The following ERMP1 variants were observed in gnomAD, a reference collection of about 807,000 sequenced individuals.
ERMP1 encodes endoplasmic reticulum metallopeptidase 1, also known as Felix-ina.
Under a neutral mutation model 92.0 loss-of-function variants are expected in ERMP1, and 86 were observed. That is an observed-to-expected ratio of 0.93 (90% CI 0.79 to 1.12). ERMP1 has a LOEUF of 1.12. Among genes scored for constraint, ERMP1 ranks in the 50% most tolerant of loss-of-function variants. The pLI, the probability that ERMP1 is intolerant of heterozygous loss-of-function variation, is 0.00. For missense variants in ERMP1, 1,342 were observed against 1,116.3 expected (o/e 1.20, Z -2.88); for synonymous variants, 530 against 412.8 (o/e 1.28, Z -3.44).
chr9:5,799,143 T>C, intron 11 of ERMP1, 135 bp from the exon 12 acceptor site: 1 of 617,904 alleles, frequency 1.6e-6, no homozygotes, highest in Admixed American at 2.9e-5. Flanking sequence ...ACTGAGAGTT[T>C]CTAAGGTACT....
At chr9:5,863,399 T>C (rs563987949) in intron 5 of ERMP1, among the ~76,000 whole-genome samples, 50 of 152,258 alleles carry the variant, frequency 3.3e-4, no homozygotes, top group African/African-American at 9.9e-4. Flanking sequence ...GGAAAGACAG[T>C]TTCCCATTAC....
At chr9:5,865,123 C>T (rs578116879) in intron 5 of ERMP1, among the ~76,000 whole-genome samples, 2 of 133,126 alleles carry the variant, frequency 1.5e-5, no homozygotes, top group Admixed American at 8.1e-5. Context: ...ATCATCAGGA[C>T]ATAGGAAAAT....
At chr9:5,796,969 G>A (rs576278367) in intron 13 of ERMP1, among the ~76,000 whole-genome samples, 27 of 152,100 alleles carry the variant, frequency 1.8e-4, no homozygotes, top group Admixed American at 5.2e-4. Context: ...GAGGAAAATC[G>A]GGGGGCAGGA....
Position 5,853,371 on chromosome 9 carries a change from C to A in ERMP1, n.3199+6097G>T, listed in dbSNP as rs533145346. Among the ~76,000 whole-genome samples the A allele has an allele frequency of 2.0e-5, 3 of 152,252 alleles. No individual in the cohort carries two copies. In the South Asian group the frequency reaches 6.2e-4, roughly 32 times the overall value. On this transcript the variant is annotated intron_variant and non_coding_transcript_variant, in intron 6 of 6. Transcript: ENST00000690753. ...GGTGGCATACTTTGGGGTGGTATAA[C>A]CTGATCCCCTTCACCATGTCACTTA... is the stretch of plus-strand genomic sequence containing the variant.
intron 2 of ERMP1, among the ~76,000 whole-genome samples, chr9:5,828,700 T>C (rs1038527845): frequency 6.6e-6 from 1 of 152,242 alleles, no homozygotes; most frequent in African/African-American, 2.4e-5. Context: ...CATGTGTTAA[T>C]AAACTTCTAT....
intron 5 of ERMP1, among the ~76,000 whole-genome samples, chr9:5,863,593 A>G (rs959034388): frequency 5.4e-4 from 82 of 152,190 alleles, no homozygotes; most frequent in Admixed American, 3.3e-4. Context: ...GTCTGGGTGC[A>G]GTTACATATC....
intron 6 of ERMP1, among the ~76,000 whole-genome samples, chr9:5,859,316 A>T (rs938704642): frequency 1.3e-5 from 2 of 152,016 alleles, no homozygotes; most frequent in African/African-American, 4.8e-5. Context: ...TTGTTCTTTT[A>T]ACCTTTCAAA....
At chr9:5,851,658 C>T (rs900374800) in intron 6 of ERMP1, among the ~76,000 whole-genome samples, 2 of 152,170 alleles carry the variant, frequency 1.3e-5, no homozygotes, top group Non-Finnish European at 2.9e-5. Flanking sequence ...TGTTCTTACT[C>T]AGAATCAGTC....
intron 6 of ERMP1, among the ~76,000 whole-genome samples, chr9:5,847,739 C>T (rs1830255850): frequency 6.6e-6 from 1 of 151,616 alleles, no homozygotes; most frequent in African/African-American, 2.4e-5. Context: ...ACTACAAATA[C>T]AAAAAATTAG....
chr9:5,819,075 T>A (rs1281160665), intron 4 of ERMP1, among the ~76,000 whole-genome samples: 1 of 152,208 alleles, frequency 6.6e-6, no homozygotes, highest in Non-Finnish European at 1.5e-5. Flanking sequence ...CCTAGGTATC[T>A]AAAAGAAATG....
chr9:5,817,470 G>C (rs1275984820), intron 4 of ERMP1, among the ~76,000 whole-genome samples: 1 of 152,188 alleles, frequency 6.6e-6, no homozygotes, highest in Non-Finnish European at 1.5e-5. Flanking sequence ...GATTACAGGC[G>C]TAAGCCACCA....
intron 8 of ERMP1, among the ~76,000 whole-genome samples, chr9:5,807,561 C>T (rs1361961910): frequency 6.6e-6 from 1 of 152,096 alleles, no homozygotes; most frequent in African/African-American, 2.4e-5. Flanking sequence ...GCCTGGCCAA[C>T]ATGGTAAAAC....
At chr9:5,801,695 T>G (rs1035702183) in intron 10 of ERMP1, among the ~76,000 whole-genome samples, 13 of 152,252 alleles carry the variant, frequency 8.5e-5, no homozygotes, top group South Asian at 2.1e-4. Context: ...AGCTTTAAGC[T>G]TAGGCAGATC....
upstream of ERMP1, among the ~76,000 whole-genome samples, chr9:5,834,025 G>A (rs928074280): frequency 6.6e-6 from 1 of 152,170 alleles, no homozygotes; most frequent in Non-Finnish European, 1.5e-5. Flanking sequence ...AACTGGGAGA[G>A]CACACTGCCG....
intron 5 of ERMP1, among the ~76,000 whole-genome samples, chr9:5,859,781 G>A (rs1036292053): frequency 2.0e-4 from 31 of 152,120 alleles, no homozygotes; most frequent in African/African-American, 7.0e-4. Flanking sequence ...CTACAGAGAC[G>A]TACTATAATT....
At chr9:5,854,512 A>C (rs1418745) in intron 6 of ERMP1, among the ~76,000 whole-genome samples, 42,797 of 152,046 alleles carry the variant, frequency 0.28, 6,347 homozygotes, top group East Asian at 0.55. Context: ...TTAACTATTT[A>C]TTAGTCAGTA....
intron 1 of ERMP1, among the ~76,000 whole-genome samples, chr9:5,832,300 G>A (rs1563774269): frequency 6.6e-6 from 1 of 152,086 alleles, no homozygotes; most frequent in Non-Finnish European, 1.5e-5. Context: ...CCCCCAAAGC[G>A]AATTTATACA....
At position 5,801,282 on chromosome 9, in the gene ERMP1, G is replaced by C; in HGVS notation, c.1961C>G (p.Thr654Ser). Residue 654 changes from threonine (T) to serine (S), a missense_variant, in exon 11 of 15, where the codon ACT becomes AGT. Coordinates refer to ENST00000339450, the MANE Select transcript of ERMP1 (RefSeq NM_024896.3). ...TGTAATTGCACATACCAAAGTTAAA[G>C]TTAGCATGGTTTTTTTTGTGCTCTT... ...LAKSTKKTML[T>S]LTLVCAITFL... The C allele has an allele frequency of 5.0e-6, 8 of 1,613,438 alleles. No homozygotes were observed. The highest frequency in any genetic ancestry group is 6.8e-6 in the Non-Finnish European group (8 of 1,179,728).
At position 5,786,934 on chromosome 9, in the gene ERMP1, G is replaced by A. The variant is rs553243221; in HGVS notation, c.*210C>T. ...ACATGTGCTGAAGTGCCAAAAGACT[G>A]GCATTTTCAAGTGTCAACAGGCCAT... On this transcript the variant is annotated 3_prime_UTR_variant, in exon 15 of 15. Coordinates refer to ENST00000339450, the MANE Select transcript of ERMP1 (RefSeq NM_024896.3). The A allele has an allele frequency of 5.9e-5, 26 of 444,068 alleles. No homozygotes were observed. Among genetic ancestry groups the A allele is most frequent in the East Asian group, 4.4e-4 (11 of 24,970 alleles). 27.5% of individuals were successfully genotyped at this position (444,068 alleles called of 1,614,324 possible).
Sources: gnomAD v4.1 joint callset for allele counts (sites outside exome capture counted in the v4.1 genomes callset) on GRCh38, gnomAD v4.1.1 for gene constraint, MANE v1.5 for transcripts, NCBI Gene and HGNC (gene_info 2026-07-23, HGNC 2026-07-21) for gene names.